The following ITPK1 variants were observed in gnomAD, a reference collection of about 807,000 sequenced individuals.
The protein encoded by ITPK1 is inositol-tetrakisphosphate 1-kinase.
ITPK1 carries 21 observed loss-of-function variants against 45.3 expected under a neutral mutation model. The observed-to-expected ratio is 0.46, with a 90% CI of 0.33 to 0.67. The LOEUF (loss-of-function observed/expected upper bound fraction) is 0.67. ITPK1 is among the 30% of genes least tolerant of loss of function. ITPK1 has a pLI of 0.02. For missense variants in ITPK1, 474 were observed against 573.5 expected (o/e 0.83, Z 1.77); for synonymous variants, 258 against 253.6 (o/e 1.02, Z -0.16).
rs1179019290 is a variant in ITPK1, at chr14:93,088,341, G to GTT, written c.96-11724_96-11723dup. ...ATCTTTTCTTTTTTGGTTTTGTTTT[G>GTT]TTTTTTTTTTTTTTTTGAGACAGGG... On this transcript the variant is annotated intron_variant, in intron 2 of 10. Coordinates refer to ENST00000267615, the MANE Select transcript of ITPK1 (RefSeq NM_014216.6). 6.8e-3 allele frequency among the ~76,000 whole-genome samples: 903 copies of GTT among 132,676 alleles called. 19 individuals carry two copies. The highest frequency in any genetic ancestry group is 0.022 in the African/African-American group (771 of 35,456). The allele number at this position is 132,676 out of a possible 152,430, so 87.0% of individuals were successfully genotyped here.
chr14:92,983,189 G>A (rs944148203), intron 5 of ITPK1, among the ~76,000 whole-genome samples: 1 of 152,194 alleles, frequency 6.6e-6, no homozygotes, highest in Non-Finnish European at 1.5e-5. Flanking sequence ...TCTGAGTCTG[G>A]CGGCAGTAGC....
At chr14:93,031,891 A>G (rs1042708265) in intron 3 of ITPK1, among the ~76,000 whole-genome samples, 2 of 152,204 alleles carry the variant, frequency 1.3e-5, no homozygotes, top group Admixed American at 1.3e-4. Flanking sequence ...AAAATTTTCT[A>G]TGCATCCTTT....
chr14:93,066,335 T>G (rs776366262), intron 3 of ITPK1: 59,331 of 447,748 alleles, frequency 0.13, 4,765 homozygotes, highest in South Asian at 0.24. Flanking sequence ...TGTGTGTGTG[T>G]GTGTGTAGGG....
Position 92,941,639 on chromosome 14 carries a change from G to A in ITPK1, c.1167C>T (p.Leu389=), listed in dbSNP as rs531691841. The change falls in exon 11 of 11, where the codon CTC becomes CTT. Residue 389 remains leucine, a synonymous_variant. Coordinates refer to ENST00000267615, the MANE Select transcript of ITPK1 (RefSeq NM_014216.6). ...GGTAKLPHQR[L]GCNAGVSPSF... ...TGGGCGACACGCCGGCGTTGCAGCC[G>A]AGTCTCTGGTGCGGCAGCTTGGCGG... 1.0e-4 allele frequency: 156 copies of A among 1,540,298 alleles called. No homozygotes were observed. The highest frequency in any genetic ancestry group is 1.3e-4 in the Non-Finnish European group (144 of 1,145,000).
At chr14:92,984,032 T>C (rs58263364) in intron 5 of ITPK1, among the ~76,000 whole-genome samples, 2,419 of 152,302 alleles carry the variant, frequency 0.016, 77 homozygotes, top group African/African-American at 0.056. Context: ...AATGACCCTG[T>C]TTCTAAATGT....
chr14:93,107,750 C>T (rs1299738454), intron 2 of ITPK1, among the ~76,000 whole-genome samples: 8 of 152,200 alleles, frequency 5.3e-5, no homozygotes, highest in East Asian at 1.9e-4. Context: ...ATCCACCCCA[C>T]CGAACCCTAA....
intron 2 of ITPK1, among the ~76,000 whole-genome samples, chr14:93,083,386 A>G (rs1891519544): frequency 6.6e-6 from 1 of 152,098 alleles, no homozygotes; most frequent in South Asian, 2.1e-4. Context: ...CCCACCCAAG[A>G]GGCCCTCCCC....
At chr14:93,110,472 T>C (rs116551480) in intron 2 of ITPK1, among the ~76,000 whole-genome samples, 4,401 of 152,244 alleles carry the variant, frequency 0.029, 107 homozygotes, top group Admixed American at 0.083. Context: ...GCCATCCCTG[T>C]AGAAAAGGAC....
rs996956479 is a variant in ITPK1 at position 93,100,001 on chromosome 14, A to C, written c.95+15068T>G. 3.9e-5 allele frequency among the ~76,000 whole-genome samples: 6 copies of C among 152,138 alleles called. No homozygotes were observed. The East Asian group carries it at 7.7e-4, about 20-fold the overall frequency. On this transcript the variant is annotated intron_variant, in intron 2 of 10. Coordinates refer to ENST00000267615, the MANE Select transcript of ITPK1 (RefSeq NM_014216.6). The stretch of plus-strand genomic sequence containing the variant: ...TCTGGCCAGCCACTGAAGCCCAGAA[A>C]CAGGGAGCACGTCCACTCCCACCTC...
Position 92,958,144 on chromosome 14 carries a change from C to T in ITPK1, c.670+57G>A. The T allele has an allele frequency of 6.4e-7, 1 of 1,560,874 alleles. No individual in the cohort carries two copies. The highest frequency in any genetic ancestry group is 8.8e-7 in the Non-Finnish European group (1 of 1,132,304). On this transcript the variant is annotated intron_variant, in intron 8 of 10. Transcript: ENST00000267615. The surrounding 1 kb of genome is among the most constrained non-coding windows in gnomAD (Gnocchi z 4.4). The stretch of plus-strand genomic sequence containing the variant: ...GCCGAAGGACAGACAGCTGCTGCCA[C>T]ATCCCAGCTGGGCCCCTGAGTCTTG...
At chr14:92,987,256 C>T (rs917365673) in intron 5 of ITPK1, among the ~76,000 whole-genome samples, 15 of 152,262 alleles carry the variant, frequency 9.9e-5, no homozygotes, top group South Asian at 8.3e-4. Context: ...GAAAGGGCTG[C>T]GAGTAGGCCT....
rs544987475 is a variant in ITPK1, at chr14:93,036,182, C to A, written c.121-19381G>T. Among the ~76,000 whole-genome samples the A allele has an allele frequency of 3.8e-4, 58 of 152,196 alleles. No homozygotes were observed. Among genetic ancestry groups the A allele is most frequent in the Non-Finnish European group, 4.1e-4 (28 of 67,988 alleles). On this transcript the variant is annotated intron_variant, in intron 3 of 10. Coordinates refer to ENST00000267615, the MANE Select transcript of ITPK1 (RefSeq NM_014216.6). The surrounding 1 kb of genome is among the most constrained non-coding windows in gnomAD (Gnocchi z 4.1). Reference sequence around the variant, plus strand: ...CCAAGGTCGGTAACTTCAAGAGCTGCGGGGAGCAGAGGCCACAACCGGAGG... The same window carrying A: ...CCAAGGTCGGTAACTTCAAGAGCTGAGGGGAGCAGAGGCCACAACCGGAGG...
intron 4 of ITPK1, among the ~76,000 whole-genome samples, chr14:93,010,772 G>T (rs72706408): frequency 6.6e-6 from 1 of 152,154 alleles, no homozygotes; most frequent in Admixed American, 6.5e-5. Context: ...ACTAGGCGCC[G>T]GGCCTGTACT....
intron 3 of ITPK1, among the ~76,000 whole-genome samples, chr14:93,058,394 TAGGTCGCAACACAGGGGTG>T (rs1890302731): frequency 1.6e-5 from 1 of 63,950 alleles, no homozygotes; most frequent in Non-Finnish European, 3.1e-5. Context: ...GGAGGGGGTG[TAGGTCGCAACACAGGGGTG>T]GAGGGGGTGC....
At chr14:93,041,821 C>T (rs531616124) in intron 3 of ITPK1, among the ~76,000 whole-genome samples, 1 of 152,300 alleles carries the variant, frequency 6.6e-6, no homozygotes, top group Non-Finnish European at 1.5e-5. Context: ...TGTCTGGCCT[C>T]CAAGATACAT....
chr14:92,951,866 G>T, intron 9 of ITPK1, 80 bp downstream of exon 9: 1 of 1,146,962 alleles, frequency 8.7e-7, no homozygotes, highest in Non-Finnish European at 1.3e-6. Context: ...CTTGGCCAAG[G>T]ACCCCATGGC....
At position 92,939,205 on chromosome 14, in the gene ITPK1, G is replaced by A. The variant is rs1024977512; in HGVS notation, c.*2356C>T. The A allele has an allele frequency of 6.6e-6, 1 of 152,310 alleles. No individual in the cohort carries two copies. The highest frequency in any genetic ancestry group is 2.4e-5 in the African/African-American group (1 of 41,450). The allele number at this position is 152,310 out of a possible 1,614,324, so 9.4% of individuals were successfully genotyped here. On this transcript the variant is annotated 3_prime_UTR_variant, in exon 11 of 11. Coordinates refer to ENST00000267615, the MANE Select transcript of ITPK1 (RefSeq NM_014216.6). ...CAGGAGGCAGCGCCACCATGCTCTG[G>A]AGAAGAGGAGGCCGCCAGAGCCCGG...
intron 3 of ITPK1, among the ~76,000 whole-genome samples, chr14:93,046,595 G>A (rs188729722): frequency 1.5e-5 from 2 of 137,850 alleles, no homozygotes; most frequent in Non-Finnish European, 3.0e-5. Flanking sequence ...AGCCGGGGGC[G>A]GGGGGGGGCG....
At chr14:93,015,836 G>A (rs948324839) in intron 4 of ITPK1, among the ~76,000 whole-genome samples, 9 of 152,170 alleles carry the variant, frequency 5.9e-5, no homozygotes, top group Non-Finnish European at 8.8e-5. Flanking sequence ...CGGCAGCACC[G>A]GGTGACTAGG....
Sources: allele counts gnomAD v4.1 joint callset (sites outside exome capture counted in the v4.1 genomes callset), GRCh38; gene constraint gnomAD v4.1.1; non-coding constraint Gnocchi (gnomAD v3.1); transcripts MANE v1.5; gene names NCBI Gene and HGNC (gene_info 2026-07-23, HGNC 2026-07-21).